Variants in FRMD4B observed in about 807,000 individuals in gnomAD.
The protein encoded by FRMD4B is FERM domain containing 4B, also known as FERM domain-containing protein 4B.
A neutral mutation model predicts 141.5 loss-of-function variants in FRMD4B; 74 were observed. The ratio of observed to expected loss-of-function variants is 0.52; its 90% CI spans 0.43 to 0.63. The LOEUF (loss-of-function observed/expected upper bound fraction) is 0.63. Among genes scored for constraint, FRMD4B ranks in the 30% least tolerant of loss-of-function variants. The pLI is 0.00. For missense variants in FRMD4B, 1,366 were observed against 1,253.4 expected (o/e 1.09, Z -1.36); for synonymous variants, 506 against 467.9 (o/e 1.08, Z -1.05).
intron 2 of FRMD4B, among the ~76,000 whole-genome samples, chr3:69,420,679 T>C (rs1704959514): frequency 6.6e-6 from 1 of 152,172 alleles, no homozygotes; most frequent in South Asian, 2.1e-4. Context: ...AATGGAGAAA[T>C]GCACAATAAT....
intron 2 of FRMD4B, among the ~76,000 whole-genome samples, chr3:69,411,640 A>C (rs1704762815): frequency 1.3e-5 from 2 of 152,214 alleles, no homozygotes; most frequent in Non-Finnish European, 2.9e-5. Context: ...TCCAAAGCTG[A>C]CCCTGATCTC....
At chr3:69,239,826 G>A (rs896388592) in intron 7 of FRMD4B, among the ~76,000 whole-genome samples, 1 of 152,066 alleles carries the variant, frequency 6.6e-6, no homozygotes, top group African/African-American at 2.4e-5. Flanking sequence ...GGAAGCTGAG[G>A]CGGGTGGATT....
At chr3:69,439,200 A>G (rs1390739097) in intron 1 of FRMD4B, among the ~76,000 whole-genome samples, 3 of 152,212 alleles carry the variant, frequency 2.0e-5, no homozygotes, top group African/African-American at 7.2e-5. Flanking sequence ...TAACTGTTGC[A>G]TAGTGCTCTG....
At chr3:69,540,247 A>T (rs145770618) in intron 1 of FRMD4B, among the ~76,000 whole-genome samples, 1 of 152,270 alleles carries the variant, frequency 6.6e-6, no homozygotes, top group East Asian at 1.9e-4. Context: ...GTGACACTTA[A>T]TTTAGAGACA....
chr3:69,413,067 TG>T (rs1337131352), intron 2 of FRMD4B, among the ~76,000 whole-genome samples: 1 of 152,064 alleles, frequency 6.6e-6, no homozygotes, highest in African/African-American at 2.4e-5. Flanking sequence ...TCTATGATAA[TG>T]GTTCATTGCT....
rs1267843850 is a variant in FRMD4B, at chr3:69,385,810, C to T, written c.162+18G>A. ...GGCATCCTGCTGGGGCCCTCGGGTG[C>T]CGCGCGCTCCAGCTCACCTGGTACA... On this transcript the variant is annotated intron_variant, in intron 1 of 22. Coordinates refer to ENST00000398540, the MANE Select transcript of FRMD4B (RefSeq NM_015123.3). 3 of 1,529,190 alleles carry T rather than the reference C, an allele frequency of 2.0e-6. No homozygotes were observed. Among genetic ancestry groups the T allele is most frequent in the Non-Finnish European group, 2.6e-6 (3 of 1,132,914 alleles). 94.7% of individuals were successfully genotyped at this position (1,529,190 alleles called of 1,614,324 possible). A position where few individuals can be genotyped will look rare whatever the true frequency, so the allele number is the denominator to read the frequency against.
At chr3:69,230,748 GA>G (rs75656969) in intron 7 of FRMD4B, among the ~76,000 whole-genome samples, 1,557 of 136,626 alleles carry the variant, frequency 0.011, 28 homozygotes, top group African/African-American at 0.037. Context: ...ACTCTGCCTC[GA>G]AAAAAAAAAA....
chr3:69,425,207 A>G (rs1333102632), intron 2 of FRMD4B, among the ~76,000 whole-genome samples: 1 of 152,182 alleles, frequency 6.6e-6, no homozygotes, highest in Non-Finnish European at 1.5e-5. Flanking sequence ...TCCTTCTTAC[A>G]CAGTAAATTC....
chr3:69,499,787 G>A (rs187026407), intron 1 of FRMD4B, among the ~76,000 whole-genome samples: 12 of 152,264 alleles, frequency 7.9e-5, no homozygotes, highest in Admixed American at 6.5e-4. Flanking sequence ...GCTGTGGCCC[G>A]ATTATAGGCA....
intron 10 of FRMD4B, 77 bp from the exon 11 acceptor site, chr3:69,216,426 CCT>C: frequency 1.5e-5 from 10 of 653,998 alleles, no homozygotes; most frequent in East Asian, 2.9e-5. Context: ...ACCAATTTCA[CCT>C]CTTTTTTTTT....
chr3:69,471,593 T>G, intron 1 of FRMD4B: 1 of 211,706 alleles, frequency 4.7e-6, no homozygotes, highest in African/African-American at 2.3e-5. Flanking sequence ...TATGCCCATT[T>G]AATGATTTTC....
chr3:69,483,973 C>T (rs1481327631), intron 1 of FRMD4B, among the ~76,000 whole-genome samples: 1 of 152,150 alleles, frequency 6.6e-6, no homozygotes, highest in African/African-American at 2.4e-5. Flanking sequence ...TACATCTTAG[C>T]TTGCTTTCCC....
At chr3:69,478,474 T>G (rs1471254441) in intron 1 of FRMD4B, among the ~76,000 whole-genome samples, 3 of 152,236 alleles carry the variant, frequency 2.0e-5, no homozygotes, top group African/African-American at 4.8e-5. Flanking sequence ...CCAGTAGTCA[T>G]TCAGGAGCAG....
chr3:69,239,016 G>A (rs761671940), intron 7 of FRMD4B, among the ~76,000 whole-genome samples: 4 of 152,050 alleles, frequency 2.6e-5, no homozygotes, highest in Non-Finnish European at 5.9e-5. Flanking sequence ...TTAACTGGGC[G>A]TCCTATATTT....
chr3:69,535,781 C>G (rs1165402025), intron 1 of FRMD4B: 1 of 473,414 alleles, frequency 2.1e-6, no homozygotes, highest in Non-Finnish European at 4.4e-6. Flanking sequence ...ACCTTGGACC[C>G]ACTGCCCTTA....
At chr3:69,409,808 G>A (rs1704723421) in intron 2 of FRMD4B, among the ~76,000 whole-genome samples, 1 of 152,166 alleles carries the variant, frequency 6.6e-6, no homozygotes, top group South Asian at 2.1e-4. Context: ...TACTAAAAAG[G>A]AAGAAAATCT....
At position 69,310,886 on chromosome 3, in the gene FRMD4B, T is replaced by C. The variant is rs567444843; in HGVS notation, c.323+377A>G. Among the ~76,000 whole-genome samples the C allele has an allele frequency of 4.6e-5, 7 of 152,274 alleles. No individual in the cohort carries two copies. In the South Asian group the frequency reaches 1.5e-3, roughly 32 times the overall value. On this transcript the variant is annotated intron_variant, in intron 3 of 22. Coordinates refer to ENST00000398540, the MANE Select transcript of FRMD4B (RefSeq NM_015123.3). ...CCACAAATTTGCCTTTAAGCTCTCT[T>C]GCCACCAACACCAACACATCCACTC...
At chr3:69,232,815 G>T (rs997026507) in intron 7 of FRMD4B, among the ~76,000 whole-genome samples, 7 of 151,182 alleles carry the variant, frequency 4.6e-5, no homozygotes, top group Non-Finnish European at 8.8e-5. Flanking sequence ...TAAGACCCTT[G>T]CTGTCTATGC....
intron 5 of FRMD4B, among the ~76,000 whole-genome samples, chr3:69,267,289 C>T (rs1014454624): frequency 1.1e-4 from 16 of 152,036 alleles, no homozygotes; most frequent in African/African-American, 3.9e-4. Context: ...CAAAGGAAGA[C>T]TGGCCTGCTC....
Sources: gnomAD v4.1 joint callset for allele counts (sites outside exome capture counted in the v4.1 genomes callset) on GRCh38, gnomAD v4.1.1 for gene constraint, MANE v1.5 for transcripts, NCBI Gene and HGNC (gene_info 2026-07-23, HGNC 2026-07-21) for gene names.